CTNNA2: variants seen among roughly 807,000 people sequenced by gnomAD.
The protein encoded by CTNNA2 is catenin alpha 2.
Under a neutral mutation model 101.0 loss-of-function variants are expected in CTNNA2, and 42 were observed. The ratio of observed to expected loss-of-function variants is 0.42; its 90% confidence interval spans 0.32 to 0.54. CTNNA2 has a LOEUF of 0.54. CTNNA2 is among the 20% of genes least tolerant of loss of function. The probability of loss-of-function intolerance (pLI) is 0.14; values close to 1 mark genes in which losing one functional copy is unlikely to be tolerated. For synonymous variants in CTNNA2, 450 were observed against 456.4 expected, an observed-to-expected ratio of 0.99 and a Z score of 0.18; for missense variants, 871 against 1,223.1, an observed-to-expected ratio of 0.71 and a Z score of 4.29.
rs142319884 is a variant in CTNNA2 at position 79,802,375 on chromosome 2, A to G, written c.299-55638A>G. ...CTATAGGAGTTAATTATTTTAAGAA[A>G]GTTCTGAAGTTGCCAAATGGGTAAC... On this transcript the variant is annotated intron_variant, in intron 3 of 18. Coordinates refer to ENST00000402739, the MANE Select transcript of CTNNA2 (RefSeq NM_001282597.3). Among the ~76,000 whole-genome samples the G allele has an allele frequency of 3.9e-5, 6 of 152,338 alleles. No individual in the cohort carries two copies. The East Asian group carries it at 1.2e-3, about 29-fold the overall frequency.
rs532918069 is a variant in CTNNA2, at chr2:79,910,405, C to T, written c.1056+608C>T. ...TATTTTGGCACATAATAGCCATCCT[C>T]TCCTATAGTTGTAAAATGTGACAGT... On this transcript the variant is annotated intron_variant, in intron 7 of 18. Coordinates refer to ENST00000402739, the MANE Select transcript of CTNNA2 (RefSeq NM_001282597.3). Among the ~76,000 whole-genome samples the T allele has an allele frequency of 2.4e-4, 37 of 152,260 alleles. 1 individual carries two copies. The highest frequency in any genetic ancestry group is 8.4e-4 in the African/African-American group (35 of 41,556).
intron 7 of CTNNA2, among the ~76,000 whole-genome samples, chr2:80,209,944 A>G (rs566284385): frequency 2.0e-5 from 3 of 152,334 alleles, no homozygotes; most frequent in African/African-American, 7.2e-5. Context: ...TAGAAAATGA[A>G]TATCTTCAGT....
At chr2:79,466,068 T>C (rs1306239312) in intron 4 of CTNNA2, among the ~76,000 whole-genome samples, 2 of 152,172 alleles carry the variant, frequency 1.3e-5, no homozygotes, top group Non-Finnish European at 1.5e-5. Flanking sequence ...CACTGAGCAT[T>C]AGCCGAAGCA....
intron 3 of CTNNA2, among the ~76,000 whole-genome samples, chr2:79,777,325 TTATG>T (rs1331720193): frequency 1.9e-4 from 23 of 124,318 alleles, no homozygotes; most frequent in East Asian, 5.0e-4. Context: ...CAAACACTTG[TTATG>T]TGTGTGTGTG....
chr2:79,955,631 C>A (rs1049020948), intron 7 of CTNNA2, among the ~76,000 whole-genome samples: 4 of 152,218 alleles, frequency 2.6e-5, no homozygotes, highest in Admixed American at 6.5e-5. Flanking sequence ...CAGCCTTGAC[C>A]TTCCAGGCTT....
chr2:80,275,933 T>G (rs385436), intron 7 of CTNNA2, among the ~76,000 whole-genome samples: 58,506 of 151,970 alleles, frequency 0.38, 13,809 homozygotes, highest in Non-Finnish European at 0.52. Flanking sequence ...AATATTTTCC[T>G]TGTTGTGAAT....
intron 4 of CTNNA2, among the ~76,000 whole-genome samples, chr2:79,436,466 T>C (rs771892459): frequency 3.4e-5 from 5 of 147,878 alleles, no homozygotes; most frequent in Non-Finnish European, 7.5e-5. Context: ...TAGCCATACA[T>C]TGAAATTACC....
At chr2:79,924,644 C>G (rs1390939026) in intron 7 of CTNNA2, among the ~76,000 whole-genome samples, 1 of 152,070 alleles carries the variant, frequency 6.6e-6, no homozygotes, top group Non-Finnish European at 1.5e-5. Flanking sequence ...GTTTTGTACC[C>G]TAACTTGACC....
intron 17 of CTNNA2, among the ~76,000 whole-genome samples, chr2:80,616,879 T>G (rs1182402517): frequency 6.6e-6 from 1 of 151,688 alleles, no homozygotes; most frequent in Non-Finnish European, 1.5e-5. Flanking sequence ...ACCTAAGAGG[T>G]CAGCACAGTT....
chr2:80,585,088 C>T lies in CTNNA2; in HGVS notation c.2007+3269C>T, dbSNP rs144556611. The stretch of plus-strand genomic sequence containing the variant: ...ATTGTTATTTATAAACATTCTTGTA[C>T]TTGAAACTTAATGTTAGCCTCTTGC... On this transcript the variant is annotated intron_variant, in intron 14 of 18. Transcript: ENST00000402739. 2.2e-3 allele frequency among the ~76,000 whole-genome samples: 338 copies of T among 152,090 alleles called. 1 individual carries two copies. The highest frequency in any genetic ancestry group is 6.8e-3 in the Middle Eastern group (2 of 294).
intron 1 of CTNNA2, among the ~76,000 whole-genome samples, chr2:79,516,290 C>G (rs1231715822): frequency 6.6e-6 from 1 of 152,168 alleles, no homozygotes; most frequent in Non-Finnish European, 1.5e-5. Context: ...CACTTAAACA[C>G]ATTCCAAGAC....
At chr2:80,479,338 G>A (rs2149497174) in intron 9 of CTNNA2, among the ~76,000 whole-genome samples, 1 of 152,234 alleles carries the variant, frequency 6.6e-6, no homozygotes, top group East Asian at 1.9e-4. Context: ...AAAAGGAAGA[G>A]ATGCTACTGG....
At chr2:80,064,113 T>G (rs1039145856) in intron 7 of CTNNA2, among the ~76,000 whole-genome samples, 5 of 152,232 alleles carry the variant, frequency 3.3e-5, no homozygotes, top group African/African-American at 9.6e-5. Context: ...TATAGTTGTC[T>G]TAGTACTCAA....
At chr2:80,452,560 A>G (rs759773580) in intron 9 of CTNNA2, among the ~76,000 whole-genome samples, 3 of 151,538 alleles carry the variant, frequency 2.0e-5, no homozygotes, top group African/African-American at 7.3e-5. Context: ...GCCGCTGACA[A>G]ACTGACCAGA....
intron 4 of CTNNA2, among the ~76,000 whole-genome samples, chr2:79,494,687 A>C (rs1324542677): frequency 3.9e-5 from 6 of 152,192 alleles, no homozygotes; most frequent in Admixed American, 3.9e-4. Context: ...GGAATAGCTA[A>C]AATTATAAAG....
chr2:80,590,380 A>G (rs1027858328), intron 15 of CTNNA2, among the ~76,000 whole-genome samples: 1 of 152,234 alleles, frequency 6.6e-6, no homozygotes, highest in Admixed American at 6.5e-5. Flanking sequence ...CAAAGAGATA[A>G]TGCAAGTATA....
intron 7 of CTNNA2, among the ~76,000 whole-genome samples, chr2:79,960,561 A>G (rs545859744): frequency 1.1e-3 from 170 of 152,350 alleles, no homozygotes; most frequent in Non-Finnish European, 2.2e-3. Context: ...AGCACCTAGT[A>G]TTGAGCAACC....
chr2:80,005,277 G>GT (rs1430931141), intron 7 of CTNNA2, among the ~76,000 whole-genome samples: 1 of 152,128 alleles, frequency 6.6e-6, no homozygotes, highest in Non-Finnish European at 1.5e-5. Context: ...TAGGGGCTAC[G>GT]TTGATCTAGA....
chr2:79,236,571 G>A (rs114555163), intron 2 of CTNNA2, among the ~76,000 whole-genome samples: 36 of 152,262 alleles, frequency 2.4e-4, no homozygotes, highest in African/African-American at 8.7e-4. Flanking sequence ...TTTCTCTCTA[G>A]CATTCAATGC....
Sources: allele counts gnomAD v4.1 joint callset (sites outside exome capture counted in the v4.1 genomes callset), GRCh38; gene constraint gnomAD v4.1.1; transcripts MANE v1.5; gene names NCBI Gene and HGNC (gene_info 2026-07-23, HGNC 2026-07-21).